The following SH3GLB2 variants were observed in gnomAD, a reference collection of about 807,000 sequenced individuals.
SH3GLB2 encodes endophilin-B2.
In SH3GLB2, 24 loss-of-function variants were observed where a neutral mutation model predicts 48.0. The ratio of observed to expected loss-of-function variants is 0.50; its 90% CI spans 0.36 to 0.70. SH3GLB2 has a LOEUF of 0.70. Among genes scored for constraint, SH3GLB2 ranks in the 30% least tolerant of loss-of-function variants. The pLI is 0.00. For synonymous variants in SH3GLB2, 227 were observed against 207.6 expected, an observed-to-expected ratio of 1.09 and a Z score of -0.80; for missense variants, 425 against 516.0, an observed-to-expected ratio of 0.82 and a Z score of 1.71.
In SH3GLB2 at chr9:129,014,133, A is replaced by C. The variant is rs1843285339; in HGVS notation, c.561+278T>G. ...TCTAGGAGGGCAGGGCAGGGCATGCAGGAGACTCCAGCTGCCTGGCGGGGT... is the reference window on the plus strand; with the variant it reads ...TCTAGGAGGGCAGGGCAGGGCATGCCGGAGACTCCAGCTGCCTGGCGGGGT... On this transcript the variant is annotated intron_variant, in intron 5 of 10. Coordinates refer to ENST00000372564, the MANE Select transcript of SH3GLB2 (RefSeq NM_020145.4). This position sits in a 1 kb window ranked among gnomAD's most constrained non-coding sequence, Gnocchi z 4.1. 2 of 607,482 alleles carry C rather than the reference A, an allele frequency of 3.3e-6. No individual in the cohort carries two copies. The highest frequency in any genetic ancestry group is 6.1e-6 in the Non-Finnish European group (2 of 326,210). 37.6% of individuals were successfully genotyped at this position (607,482 alleles called of 1,614,324 possible).
At chr9:129,010,795 CCCCCTGCCCCT>C in intron 6 of SH3GLB2, 102 bp from the exon 7 acceptor site, 1 of 1,419,526 alleles carries the variant, frequency 7.0e-7, no homozygotes, top group South Asian at 1.2e-5. Flanking sequence ...CAACTTCTGC[CCCCCTGCCCCT>C]CTGCCCCCCC....
Position 129,028,283 on chromosome 9 carries a change from T to TGCCCGCCC in SH3GLB2, c.-130_-129insGGGCGGGC. 1 of 474,528 alleles carries TGCCCGCCC rather than the reference T, an allele frequency of 2.1e-6. No homozygotes were observed. The highest frequency in any genetic ancestry group is 2.7e-6 in the Non-Finnish European group (1 of 365,536). 29.4% of individuals were successfully genotyped at this position (474,528 alleles called of 1,614,324 possible). A position where few individuals can be genotyped will look rare whatever the true frequency, so the allele number is the denominator to read the frequency against. On this transcript the variant is annotated 5_prime_UTR_variant, in exon 1 of 11. Transcript: ENST00000372564. ...CCCTCCGCGCACCCGCCTGCCGGCC[T>TGCCCGCCC]GCCCGCCTGCCCGCCCGCCGCAGCC...
At chr9:129,022,724 G>A (rs920587227) in intron 1 of SH3GLB2, among the ~76,000 whole-genome samples, 1 of 152,240 alleles carries the variant, frequency 6.6e-6, no homozygotes, top group African/African-American at 2.4e-5. Context: ...ACACAGCTTA[G>A]TGCGGTGAGG....
intron 3 of SH3GLB2, among the ~76,000 whole-genome samples, chr9:129,018,089 C>T (rs762527878): frequency 6.6e-6 from 1 of 151,904 alleles, no homozygotes. Flanking sequence ...GAGACTCCAT[C>T]TCAAAATAAT....
chr9:129,015,727 C>T (rs761121857), intron 3 of SH3GLB2: 5 of 184,746 alleles, frequency 2.7e-5, no homozygotes, highest in South Asian at 8.1e-5. Flanking sequence ...AGGCTGGGCG[C>T]GCTGGCTCAC....
chr9:129,007,136 G>A lies in SH3GLB2; in HGVS notation c.*1548C>T, dbSNP rs1222362807. The A allele has an allele frequency of 6.5e-6, 1 of 152,688 alleles. No individual in the cohort carries two copies. Among genetic ancestry groups the A allele is most frequent in the African/African-American group, 2.4e-5 (1 of 41,456 alleles). The allele number at this position is 152,688 out of a possible 1,614,324, so 9.5% of individuals were successfully genotyped here. A position where few individuals can be genotyped will look rare whatever the true frequency, so the allele number is the denominator to read the frequency against. On this transcript the variant is annotated 3_prime_UTR_variant, in exon 11 of 11. Coordinates refer to ENST00000372564, the MANE Select transcript of SH3GLB2 (RefSeq NM_020145.4). ...AACTTCAAAGCCCAGGGATGACAAC[G>A]TGGCTCTCAGAACCTAGAAAACTCC...
rs200356027 is a variant in SH3GLB2, at chr9:129,009,091, C to T, written c.1080+15G>A. The T allele has an allele frequency of 6.5e-5, 105 of 1,605,480 alleles. 1 individual carries two copies. The African/African-American group carries it at 8.4e-4, about 13-fold the overall frequency. ...CCCAGCCCATTCCTGCCCCACCTTG[C>T]GGCACCGGGCCCACCTCATCAGCCA... On this transcript the variant is annotated intron_variant, in intron 10 of 10. Transcript: ENST00000372564.
intron 1 of SH3GLB2, among the ~76,000 whole-genome samples, chr9:129,025,263 CAAA>C (rs530346854): frequency 2.4e-4 from 8 of 33,450 alleles, no homozygotes; most frequent in Non-Finnish European, 1.3e-4. Context: ...GACTCCGTCT[CAAA>C]AAAAAAAAAA....
chr9:129,014,372 G>A lies in SH3GLB2; in HGVS notation c.561+39C>T, dbSNP rs1409964550. On this transcript the variant is annotated intron_variant, in intron 5 of 10. Coordinates refer to ENST00000372564, the MANE Select transcript of SH3GLB2 (RefSeq NM_020145.4). This position sits in a 1 kb window ranked among gnomAD's most constrained non-coding sequence, Gnocchi z 4.1. Reference sequence around the variant, plus strand: ...CCACCACCCCTTGGCTCCAGCCAGAGCCTGGGCCAGGAGGCCAGCGGGGAG... The same window carrying A: ...CCACCACCCCTTGGCTCCAGCCAGAACCTGGGCCAGGAGGCCAGCGGGGAG... 6.5e-7 allele frequency: 1 copy of A among 1,534,392 alleles called. No homozygotes were observed. Among genetic ancestry groups the A allele is most frequent in the Non-Finnish European group, 8.8e-7 (1 of 1,134,218 alleles).
At position 129,014,622 on chromosome 9, in the gene SH3GLB2, G is replaced by A. The variant is rs1217048063; in HGVS notation, c.469-119C>T. 1.3e-6 allele frequency: 2 copies of A among 1,486,450 alleles called. No homozygotes were observed. Among genetic ancestry groups the A allele is most frequent in the East Asian group, 2.3e-5 (1 of 43,502 alleles). The allele number at this position is 1,486,450 out of a possible 1,614,324, so 92.1% of individuals were successfully genotyped here. On this transcript the variant is annotated intron_variant, in intron 4 of 10. Coordinates refer to ENST00000372564, the MANE Select transcript of SH3GLB2 (RefSeq NM_020145.4). This position sits in a 1 kb window ranked among gnomAD's most constrained non-coding sequence, Gnocchi z 4.1. ...CAAGATAGGGAAACTGAGGCCCAGA[G>A]ATAGGAGGTCACTCAGTCCAAAGGA...
intron 6 of SH3GLB2, 35 bp downstream of exon 6, chr9:129,012,201 G>C (rs772512808): frequency 8.3e-7 from 1 of 1,203,820 alleles, no homozygotes; most frequent in Non-Finnish European, 1.0e-6. Context: ...GGAGAGAGGA[G>C]GACGAGGGGT....
chr9:129,014,176 G>A lies in SH3GLB2; in HGVS notation c.561+235C>T. The A allele has an allele frequency of 1.6e-6, 1 of 623,044 alleles. No homozygotes were observed. The highest frequency in any genetic ancestry group is 2.3e-5 in the Admixed American group (1 of 42,792). The allele number at this position is 623,044 out of a possible 1,614,324, so 38.6% of individuals were successfully genotyped here. ...GGCGGGGTGGTGCACCCAGCTGGGG[G>A]CACTGCTGGTCCGCCCACACCGTAG... On this transcript the variant is annotated intron_variant, in intron 5 of 10. Transcript: ENST00000372564. This position sits in a 1 kb window ranked among gnomAD's most constrained non-coding sequence, Gnocchi z 4.1.
rs1842858775 is a variant in SH3GLB2 at position 129,007,985 on chromosome 9, T to C, written c.*699A>G. 1 of 152,330 alleles carries C rather than the reference T, an allele frequency of 6.6e-6. No individual in the cohort carries two copies. The highest frequency in any genetic ancestry group is 1.5e-5 in the Non-Finnish European group (1 of 68,152). 9.4% of individuals were successfully genotyped at this position (152,330 alleles called of 1,614,324 possible). On this transcript the variant is annotated 3_prime_UTR_variant, in exon 11 of 11. Coordinates refer to ENST00000372564, the MANE Select transcript of SH3GLB2 (RefSeq NM_020145.4). ...GGAAGAGTGGGGCAGAGGGTGAGTCTACCTTTCCCTTTACCACCCTCAGGG... is the reference window on the plus strand; with the variant it reads ...GGAAGAGTGGGGCAGAGGGTGAGTCCACCTTTCCCTTTACCACCCTCAGGG...
chr9:129,020,604 A>G (rs1843726685), intron 3 of SH3GLB2, among the ~76,000 whole-genome samples: 1 of 151,754 alleles, frequency 6.6e-6, no homozygotes, highest in Admixed American at 6.6e-5. Flanking sequence ...GCGGTGGCTC[A>G]CGCCTGTAAT....
chr9:129,026,411 C>G (rs1417343056), intron 1 of SH3GLB2, among the ~76,000 whole-genome samples: 1 of 152,258 alleles, frequency 6.6e-6, no homozygotes, highest in Admixed American at 6.5e-5. Context: ...ATCCCCTGGC[C>G]TGCCACTCTG....
intron 3 of SH3GLB2, among the ~76,000 whole-genome samples, chr9:129,018,576 CAA>C (rs1233618576): frequency 3.0e-5 from 3 of 101,556 alleles, no homozygotes; most frequent in Non-Finnish European, 4.0e-5. Context: ...GACTCCGTCT[CAA>C]AAAAAAAAAA....
At chr9:129,016,508 A>C (rs1176735287) in intron 3 of SH3GLB2, among the ~76,000 whole-genome samples, 1 of 151,942 alleles carries the variant, frequency 6.6e-6, no homozygotes, top group Non-Finnish European at 1.5e-5. Context: ...AAATACAAAA[A>C]TTAGCCAGGC....
intron 1 of SH3GLB2, 125 bp downstream of exon 1, chr9:129,027,967 G>T: frequency 2.3e-6 from 2 of 886,288 alleles, no homozygotes; most frequent in Non-Finnish European, 3.2e-6. Flanking sequence ...GCAGAGGTGT[G>T]CCGCGGCGGG....
intron 1 of SH3GLB2, among the ~76,000 whole-genome samples, chr9:129,024,311 C>CTTTGGGAGCCTATTGGG (rs1844007131): frequency 6.6e-6 from 1 of 150,802 alleles, no homozygotes; most frequent in Non-Finnish European, 1.5e-5. Flanking sequence ...CCTATAATCC[C>CTTTGGGAGCCTATTGGG]AGCACTTTGG....
Sources: gnomAD v4.1 joint callset for allele counts (sites outside exome capture counted in the v4.1 genomes callset) on GRCh38, gnomAD v4.1.1 for gene constraint, Gnocchi (gnomAD v3.1) non-coding constraint, MANE v1.5 for transcripts, NCBI Gene and HGNC (gene_info 2026-07-23, HGNC 2026-07-21) for gene names.